Variants in P3H2 observed in about 807,000 individuals in gnomAD.
P3H2 encodes leprecan-like 1.
Under a neutral mutation model 87.0 loss-of-function variants are expected in P3H2, and 80 were observed. That is an observed-to-expected ratio of 0.92 (90% CI 0.77 to 1.11). P3H2 has a LOEUF of 1.11. Ranked by LOEUF, P3H2 falls within the 50% of genes least tolerant of loss-of-function variation. The pLI is 0.00. For synonymous variants in P3H2, 367 were observed against 359.3 expected (o/e 1.02, Z -0.24); for missense variants, 1,001 against 923.9 (o/e 1.08, Z -1.08).
chr3:190,102,244 T>C lies in P3H2; in HGVS notation c.480+18008A>G, dbSNP rs375831520. On this transcript the variant is annotated intron_variant, in intron 1 of 14. Coordinates refer to ENST00000319332, the MANE Select transcript of P3H2 (RefSeq NM_018192.4). ...GAGTAACTTTGATTTTCAAGTCTTA[T>C]TATTTAAGAAATATACCTTGTAAGG... Among the ~76,000 whole-genome samples, 57 of 152,362 alleles carry C rather than the reference T, an allele frequency of 3.7e-4. 1 individual carries two copies. The East Asian group carries it at 8.3e-3, about 22-fold the overall frequency.
At chr3:189,982,295 T>C (rs1392842841) in intron 8 of P3H2, among the ~76,000 whole-genome samples, 2 of 152,018 alleles carry the variant, frequency 1.3e-5, no homozygotes, top group African/African-American at 4.8e-5. Flanking sequence ...TGCAAATAAA[T>C]TGTGTGCAAA....
chr3:190,028,798 A>G (rs1464471402), intron 1 of P3H2, among the ~76,000 whole-genome samples: 2 of 152,242 alleles, frequency 1.3e-5, no homozygotes, highest in East Asian at 1.9e-4. Context: ...ATGTTTTACA[A>G]TGATTTTATT....
intron 2 of P3H2, 55 bp from the exon 3 acceptor site, chr3:189,994,338 A>AAAG: frequency 6.8e-7 from 1 of 1,472,304 alleles, no homozygotes; most frequent in South Asian, 1.1e-5. Context: ...ACAAACAAAA[A>AAAG]AACCCTTATT....
At chr3:189,958,554 G>A (rs931856050) in intron 14 of P3H2, among the ~76,000 whole-genome samples, 14 of 151,722 alleles carry the variant, frequency 9.2e-5, no homozygotes, top group Non-Finnish European at 1.8e-4. Context: ...TATTTGTTGG[G>A]GGGTGGGAGG....
Position 189,973,919 on chromosome 3 carries a change from T to C in P3H2, c.1538A>G (p.Lys513Arg), listed in dbSNP as rs1316107519. 1.2e-6 allele frequency: 2 copies of C among 1,613,424 alleles called. No individual in the cohort carries two copies. Among genetic ancestry groups the C allele is most frequent in the Non-Finnish European group, 1.7e-6 (2 of 1,179,364 alleles). Residue 513 changes from lysine to arginine, a missense_variant, in exon 10 of 15, where the codon AAA (lysine) becomes AGA (arginine). Physicochemically the swap from Lys to Arg is conservative, Grantham distance 26. Transcript: ENST00000319332. ...NEKFEGATVL[K>R]ALKSGYEGRV... Reference sequence around the variant, plus strand: ...AAGTTAAGACTTTACTTTGAGTGCTTTCAGGACAGTTGCACCTTCAAACTT... The same window carrying C: ...AAGTTAAGACTTTACTTTGAGTGCTCTCAGGACAGTTGCACCTTCAAACTT...
Position 190,057,485 on chromosome 3 carries a change from C to A in P3H2, c.481-62043G>T, listed in dbSNP as rs1207544531. Among the ~76,000 whole-genome samples, 7 of 152,126 alleles carry A rather than the reference C, an allele frequency of 4.6e-5. No individual in the cohort carries two copies. In the South Asian group the frequency reaches 8.3e-4, roughly 18 times the overall value. ...TCTCATGACTTTCTTCTAAGGCCTA[C>A]CATCTACCAGTGTTATTCCTTTCCC... On this transcript the variant is annotated intron_variant, in intron 1 of 14. Transcript: ENST00000319332.
intron 1 of P3H2, among the ~76,000 whole-genome samples, chr3:190,038,204 C>T (rs1488149455): frequency 6.7e-6 from 1 of 148,356 alleles, no homozygotes; most frequent in African/African-American, 2.5e-5. Context: ...CCACTGCACT[C>T]CAGCCTGGGG....
intron 1 of P3H2, among the ~76,000 whole-genome samples, chr3:190,040,847 T>A (rs1462121139): frequency 6.6e-6 from 1 of 151,130 alleles, no homozygotes; most frequent in Non-Finnish European, 1.5e-5. Context: ...CTAGTACACA[T>A]AGTACCAGTT....
At chr3:190,018,915 C>T (rs1192287238) in intron 1 of P3H2, among the ~76,000 whole-genome samples, 1 of 152,086 alleles carries the variant, frequency 6.6e-6, no homozygotes, top group East Asian at 1.9e-4. Flanking sequence ...ATACAGCCAT[C>T]GGCAAACTTC....
At chr3:190,063,990 C>CTTT (rs770967128) in intron 1 of P3H2, among the ~76,000 whole-genome samples, 33 of 124,202 alleles carry the variant, frequency 2.7e-4, no homozygotes, top group Non-Finnish European at 3.3e-4. Flanking sequence ...TTAGAATAAA[C>CTTT]TTTTTTTTTT....
At position 190,120,704 on chromosome 3, in the gene P3H2, G is replaced by C. The variant is rs1395448072; in HGVS notation, c.28C>G (p.Leu10Val). The C allele has an allele frequency of 6.6e-7, 1 of 1,520,272 alleles. No homozygotes were observed. Among genetic ancestry groups the C allele is most frequent in the African/African-American group, 1.4e-5 (1 of 70,894 alleles). 94.2% of individuals were successfully genotyped at this position (1,520,272 alleles called of 1,614,324 possible). A position where few individuals can be genotyped will look rare whatever the true frequency, so the allele number is the denominator to read the frequency against. MRERIWAPP[L>V]LLLLPLLLPP... Reference sequence around the variant, plus strand: ...AGTAGCAGCGGCAGCAGCAGCAGCAGCGGCGGCGCCCAGATGCGCTCCCGC... The same window carrying C: ...AGTAGCAGCGGCAGCAGCAGCAGCACCGGCGGCGCCCAGATGCGCTCCCGC... The change falls in exon 1 of 15, where the codon CTG becomes GTG. Residue 10 changes from leucine to valine, a missense_variant. Coordinates refer to ENST00000319332, the MANE Select transcript of P3H2 (RefSeq NM_018192.4).
At chr3:189,973,542 A>G (rs1470236279) in intron 10 of P3H2, among the ~76,000 whole-genome samples, 2 of 78,044 alleles carry the variant, frequency 2.6e-5, no homozygotes, top group African/African-American at 5.2e-5. Context: ...TTTTTTTAAG[A>G]CGGAGTCTCG....
At chr3:190,101,302 G>C (rs1051703910) in intron 1 of P3H2, among the ~76,000 whole-genome samples, 3 of 136,050 alleles carry the variant, frequency 2.2e-5, no homozygotes, top group Non-Finnish European at 4.5e-5. Context: ...TACTGAGGAA[G>C]GCAGGTCAAA....
At chr3:189,960,864 C>T (rs1312439871) in intron 14 of P3H2, among the ~76,000 whole-genome samples, 1 of 151,726 alleles carries the variant, frequency 6.6e-6, no homozygotes, top group African/African-American at 2.4e-5. Flanking sequence ...ACTAGATATA[C>T]TAAATAACAG....
At chr3:190,115,325 C>A (rs1712246317) in intron 1 of P3H2, among the ~76,000 whole-genome samples, 1 of 149,758 alleles carries the variant, frequency 6.7e-6, no homozygotes, top group African/African-American at 2.5e-5. Flanking sequence ...AAAGCAACAA[C>A]ACAGAAACAA....
intron 1 of P3H2, among the ~76,000 whole-genome samples, chr3:190,023,032 T>A (rs1210143295): frequency 6.6e-6 from 1 of 150,754 alleles, no homozygotes; most frequent in Non-Finnish European, 1.5e-5. Flanking sequence ...TTCACCGTGT[T>A]AGCCAGGATG....
At chr3:190,038,960 C>T (rs1305106779) in intron 1 of P3H2, among the ~76,000 whole-genome samples, 2 of 152,102 alleles carry the variant, frequency 1.3e-5, no homozygotes, top group African/African-American at 2.4e-5. Context: ...GAAGCCAAGG[C>T]GGGCGGATCA....
At chr3:190,108,998 A>G (rs977985682) in intron 1 of P3H2, among the ~76,000 whole-genome samples, 24 of 152,236 alleles carry the variant, frequency 1.6e-4, no homozygotes, top group African/African-American at 5.8e-4. Context: ...AAGTGTCTCA[A>G]TAGAATATGG....
chr3:190,016,977 G>A (rs1015687481), intron 1 of P3H2, among the ~76,000 whole-genome samples: 1 of 152,230 alleles, frequency 6.6e-6, no homozygotes, highest in African/African-American at 2.4e-5. Flanking sequence ...ATTCAAGTAT[G>A]AGTCCACTGA....
Sources: gnomAD v4.1 joint callset for allele counts (sites outside exome capture counted in the v4.1 genomes callset) on GRCh38, gnomAD v4.1.1 for gene constraint, MANE v1.5 for transcripts, NCBI Gene and HGNC (gene_info 2026-07-23, HGNC 2026-07-21) for gene names.